IGSF21: variants seen among roughly 807,000 people sequenced by gnomAD.
The protein encoded by IGSF21 is immunoglobulin superfamily member 21.
A neutral mutation model predicts 46.8 loss-of-function variants in IGSF21; 28 were observed. That is an observed-to-expected ratio of 0.60 (90% CI 0.44 to 0.82). The LOEUF is 0.82. IGSF21 is among the 40% of genes least tolerant of loss of function. The probability of loss-of-function intolerance (pLI) is 0.00; values close to 1 mark genes in which losing one functional copy is unlikely to be tolerated. For missense variants in IGSF21, 624 were observed against 665.5 expected, an observed-to-expected ratio of 0.94 and a Z score of 0.69; for synonymous variants, 284 against 273.6, an observed-to-expected ratio of 1.04 and a Z score of -0.38.
At chr1:18,190,180 T>C (rs145702087) in intron 1 of IGSF21, among the ~76,000 whole-genome samples, 203 of 152,350 alleles carry the variant, frequency 1.3e-3, no homozygotes, top group East Asian at 9.7e-3. Flanking sequence ...AAGCCCTGCC[T>C]CTTCCCTCAA....
rs187056838 is a variant in IGSF21 at position 18,120,787 on chromosome 1, C to A, written c.70+12589C>A. On this transcript the variant is annotated intron_variant, in intron 1 of 9. Coordinates refer to ENST00000251296, the MANE Select transcript of IGSF21 (RefSeq NM_032880.5). ...CAGCATGTGAATTTGAAGGGGCAGA[C>A]AACATTGGAGGCAAATTGCAGCTTG... Among the ~76,000 whole-genome samples the A allele has an allele frequency of 2.0e-5, 3 of 152,246 alleles. No individual in the cohort carries two copies. In the East Asian group the frequency reaches 5.8e-4, roughly 29 times the overall value.
intron 6 of IGSF21, among the ~76,000 whole-genome samples, chr1:18,370,573 A>T (rs2086214901): frequency 6.7e-6 from 1 of 149,794 alleles, no homozygotes; most frequent in Non-Finnish European, 1.5e-5. Flanking sequence ...TAAAAACTAA[A>T]TAAAAACTAA....
chr1:18,356,384 A>G (rs774179903), intron 4 of IGSF21, among the ~76,000 whole-genome samples: 5 of 152,214 alleles, frequency 3.3e-5, no homozygotes, highest in Non-Finnish European at 5.9e-5. Context: ...AGCACTGGAC[A>G]TCATTGTCTA....
At chr1:18,178,833 A>G (rs1160341092) in intron 1 of IGSF21, among the ~76,000 whole-genome samples, 1 of 151,624 alleles carries the variant, frequency 6.6e-6, no homozygotes, top group Non-Finnish European at 1.5e-5. Context: ...GGCAGGCAGC[A>G]GTTCGGGGAG....
At chr1:18,286,963 C>T (rs187501252) in intron 2 of IGSF21, among the ~76,000 whole-genome samples, 233 of 152,080 alleles carry the variant, frequency 1.5e-3, no homozygotes, top group African/African-American at 4.8e-3. Context: ...GGGCGGATCA[C>T]GAGGTCAGGA....
chr1:18,170,240 G>A (rs1382877579), intron 1 of IGSF21, among the ~76,000 whole-genome samples: 1 of 152,148 alleles, frequency 6.6e-6, no homozygotes, highest in Non-Finnish European at 1.5e-5. Context: ...AGGAAGTGAG[G>A]TCAGAAAGAG....
At chr1:18,177,393 G>GGAC (rs1557573349) in intron 1 of IGSF21, among the ~76,000 whole-genome samples, 3,242 of 14,784 alleles carry the variant, frequency 0.22, 122 homozygotes, top group African/African-American at 0.38. Flanking sequence ...GGTCAGTGAG[G>GGAC]TGTGTGTGTG....
chr1:18,282,665 C>A (rs1334531052), intron 2 of IGSF21, among the ~76,000 whole-genome samples: 1 of 151,880 alleles, frequency 6.6e-6, no homozygotes, highest in Admixed American at 6.6e-5. Flanking sequence ...CACACACACA[C>A]ACACACAAAC....
At chr1:18,204,238 C>A (rs1197765270) in intron 1 of IGSF21, among the ~76,000 whole-genome samples, 1 of 152,134 alleles carries the variant, frequency 6.6e-6, no homozygotes, top group Non-Finnish European at 1.5e-5. Context: ...AGAAACTGAG[C>A]CTTAGAACGA....
chr1:18,301,320 TTTTGTTTGTTTGTTTGTTTG>T lies in IGSF21; in HGVS notation c.305+9349_305+9368del, dbSNP rs71575879. On this transcript the variant is annotated intron_variant, in intron 3 of 9. Transcript: ENST00000251296. ...CAGGTCATCCAACAAATGGTAATTGTTTTGTTTGTTTGTTTGTTTGTTTGTTTGTTTGTTTTTGAGACACA... is the reference window on the plus strand; with the variant it reads ...CAGGTCATCCAACAAATGGTAATTGTTTTGTTTGTTTGTTTTTGAGACACA... Among the ~76,000 whole-genome samples, 12 of 150,598 alleles carry T rather than the reference TTTTGTTTGTTTGTTTGTTTG, an allele frequency of 8.0e-5. 1 individual carries two copies.
chr1:18,155,252 C>G (rs866040647), intron 1 of IGSF21, among the ~76,000 whole-genome samples: 4 of 152,162 alleles, frequency 2.6e-5, no homozygotes, highest in African/African-American at 9.6e-5. Flanking sequence ...TGGCACCCAG[C>G]ACGGGATGGG....
At chr1:18,256,184 A>T (rs540218894) in intron 2 of IGSF21, among the ~76,000 whole-genome samples, 16 of 152,194 alleles carry the variant, frequency 1.1e-4, no homozygotes, top group Admixed American at 5.9e-4. Context: ...TGCCTGCTGT[A>T]TATGCCCTCC....
intron 2 of IGSF21, among the ~76,000 whole-genome samples, chr1:18,270,507 G>T (rs1284203217): frequency 2.0e-5 from 3 of 152,206 alleles, no homozygotes; most frequent in Admixed American, 1.3e-4. Context: ...CAGGGAGAGG[G>T]CACTGAGCAC....
At chr1:18,285,393 T>A (rs1457183675) in intron 2 of IGSF21, among the ~76,000 whole-genome samples, 1 of 151,978 alleles carries the variant, frequency 6.6e-6, no homozygotes, top group Non-Finnish European at 1.5e-5. Context: ...GATTTGCTGG[T>A]TGGGGTCAGG....
intron 1 of IGSF21, among the ~76,000 whole-genome samples, chr1:18,120,235 A>G (rs2086223301): frequency 6.6e-6 from 1 of 152,156 alleles, no homozygotes; most frequent in African/African-American, 2.4e-5. Context: ...AGCTTGGAGG[A>G]GTAGATGTAA....
chr1:18,185,814 C>T (rs2086897707), intron 1 of IGSF21, among the ~76,000 whole-genome samples: 1 of 152,186 alleles, frequency 6.6e-6, no homozygotes, highest in South Asian at 2.1e-4. Flanking sequence ...TGAGAGTACC[C>T]AGCACAGGAG....
At chr1:18,261,762 G>C (rs1038162965) in intron 2 of IGSF21, among the ~76,000 whole-genome samples, 2 of 152,230 alleles carry the variant, frequency 1.3e-5, no homozygotes, top group Non-Finnish European at 1.5e-5. Flanking sequence ...GATGCCAGAG[G>C]AAGTGGAGGG....
chr1:18,318,938 C>T (rs2085572139), intron 3 of IGSF21, among the ~76,000 whole-genome samples: 1 of 152,210 alleles, frequency 6.6e-6, no homozygotes, highest in Admixed American at 6.5e-5. Flanking sequence ...TAAATAATGG[C>T]TGGATTTAAA....
chr1:18,115,887 AAG>A (rs2086185009), intron 1 of IGSF21: 1 of 119,198 alleles, frequency 8.4e-6, no homozygotes, highest in African/African-American at 3.0e-5. Context: ...GAAAGAAAGA[AAG>A]AAAGAAAGAA....
Sources: gnomAD v4.1 joint callset for allele counts (sites outside exome capture counted in the v4.1 genomes callset) on GRCh38, gnomAD v4.1.1 for gene constraint, MANE v1.5 for transcripts, NCBI Gene and HGNC (gene_info 2026-07-23, HGNC 2026-07-21) for gene names.